Variants in LRFN5 observed in about 807,000 individuals in gnomAD.
LRFN5 encodes the protein leucine-rich repeat and fibronectin type-III domain-containing protein 5.
LRFN5 carries 24 observed loss-of-function variants against 45.6 expected under a neutral mutation model. The observed-to-expected ratio is 0.53, with a 90% confidence interval of 0.38 to 0.74. LRFN5 has a LOEUF of 0.74. LRFN5 is among the 30% of genes least tolerant of loss of function. LRFN5 has a pLI of 0.00. For missense variants in LRFN5, 776 were observed against 861.5 expected (o/e 0.90, Z 1.24); for synonymous variants, 340 against 313.8 (o/e 1.08, Z -0.88).
intron 1 of LRFN5, among the ~76,000 whole-genome samples, chr14:41,674,783 G>T (rs1331492130): frequency 6.7e-6 from 1 of 149,142 alleles, no homozygotes; most frequent in East Asian, 2.0e-4. Flanking sequence ...GCTGCCGGGC[G>T]GAGAGGCTCC....
At chr14:41,671,901 A>T (rs1250285868) in intron 1 of LRFN5, among the ~76,000 whole-genome samples, 1 of 152,094 alleles carries the variant, frequency 6.6e-6, no homozygotes, top group Non-Finnish European at 1.5e-5. Flanking sequence ...TACAGATGTG[A>T]GCCACTGCGC....
intron 1 of LRFN5, among the ~76,000 whole-genome samples, chr14:41,762,096 A>G (rs1048763218): frequency 7.9e-5 from 12 of 151,808 alleles, no homozygotes; most frequent in Non-Finnish European, 1.5e-4. Flanking sequence ...AAACAATGAA[A>G]AGCAAGCACA....
intron 1 of LRFN5, among the ~76,000 whole-genome samples, chr14:41,730,694 G>T (rs1884134752): frequency 6.6e-6 from 1 of 151,522 alleles, no homozygotes; most frequent in Non-Finnish European, 1.5e-5. Flanking sequence ...TTCTGTTTTA[G>T]AGCCTTGGTT....
At chr14:41,832,069 A>C (rs1163432172) in intron 2 of LRFN5, among the ~76,000 whole-genome samples, 2 of 152,102 alleles carry the variant, frequency 1.3e-5, no homozygotes, top group African/African-American at 4.8e-5. Context: ...TACCTCTCCA[A>C]ACCCCATCTT....
At chr14:41,892,097 A>T in intron 4 of LRFN5, 135 bp downstream of exon 4, 12 of 1,448,268 alleles carry the variant, frequency 8.3e-6, no homozygotes, top group Non-Finnish European at 1.1e-5. Context: ...AAGCATGTCT[A>T]TGAATGTGAT....
At chr14:41,728,654 T>C (rs1884037759) in intron 1 of LRFN5, among the ~76,000 whole-genome samples, 1 of 152,170 alleles carries the variant, frequency 6.6e-6, no homozygotes, top group Non-Finnish European at 1.5e-5. Flanking sequence ...TTCTTTATCA[T>C]TAAGAGAATT....
chr14:41,635,070 A>G (rs936949077), intron 1 of LRFN5, among the ~76,000 whole-genome samples: 10 of 152,220 alleles, frequency 6.6e-5, no homozygotes, highest in Middle Eastern at 3.4e-3. Context: ...ATAATCAGTA[A>G]GTTGCTCTCA....
At chr14:41,784,884 C>T (rs1374447744) in intron 2 of LRFN5, among the ~76,000 whole-genome samples, 2 of 152,176 alleles carry the variant, frequency 1.3e-5, no homozygotes, top group African/African-American at 4.8e-5. Flanking sequence ...CAGCCTCATT[C>T]TCCCAAAGTG....
chr14:41,791,503 T>C (rs1886919743), intron 2 of LRFN5, among the ~76,000 whole-genome samples: 1 of 152,070 alleles, frequency 6.6e-6, no homozygotes, highest in South Asian at 2.1e-4. Context: ...ATGATGTATT[T>C]TGTCAAAGTG....
At chr14:41,873,299 T>G (rs1890079710) in intron 2 of LRFN5, among the ~76,000 whole-genome samples, 1 of 152,070 alleles carries the variant, frequency 6.6e-6, no homozygotes, top group Non-Finnish European at 1.5e-5. Context: ...AAATTTTTCT[T>G]TAGGGGTAGA....
At chr14:41,662,576 A>T (rs1215808655) in intron 1 of LRFN5, among the ~76,000 whole-genome samples, 3 of 152,032 alleles carry the variant, frequency 2.0e-5, no homozygotes, top group African/African-American at 7.2e-5. Flanking sequence ...TAATTAAAAA[A>T]ATATGGCTGG....
intron 1 of LRFN5, among the ~76,000 whole-genome samples, chr14:41,647,192 A>G (rs971975814): frequency 2.6e-5 from 4 of 152,156 alleles, no homozygotes; most frequent in African/African-American, 9.7e-5. Context: ...GATAACATAC[A>G]TAGATTTTGA....
At chr14:41,797,016 A>G (rs1281191359) in intron 2 of LRFN5, among the ~76,000 whole-genome samples, 1 of 151,826 alleles carries the variant, frequency 6.6e-6, no homozygotes, top group African/African-American at 2.4e-5. Flanking sequence ...TATCTCGTGT[A>G]CTTTCTGCTC....
chr14:41,683,375 G>T (rs919892132), intron 1 of LRFN5, among the ~76,000 whole-genome samples: 1 of 152,144 alleles, frequency 6.6e-6, no homozygotes, highest in Non-Finnish European at 1.5e-5. Flanking sequence ...CTGAGTGGGG[G>T]AAACTGTAAA....
chr14:41,887,668 C>A lies in LRFN5; in HGVS notation c.1043C>A (p.Thr348Asn), dbSNP rs766145838. The A allele has an allele frequency of 1.2e-6, 2 of 1,614,234 alleles. No individual in the cohort carries two copies. The highest frequency in any genetic ancestry group is 2.7e-5 in the African/African-American group (2 of 75,058). ...DNGTLDILIT[T>N]VKDTGAFTCI... ...GGAACACTTGACATTCTTATCACAA[C>A]TGTAAAGGATACAGGTGCTTTTACC... Residue 348 changes from threonine to asparagine, a missense_variant, in exon 3 of 6, where the codon ACT becomes AAT. Thr to Asn is a moderately conservative substitution (Grantham distance 65). Around this residue, in one of 2 missense-constraint regions of LRFN5, gnomAD observed 465 missense variants for 456.4 expected, o/e 1.02. Transcript: ENST00000298119. This position sits in a 1 kb window ranked among gnomAD's most constrained non-coding sequence, Gnocchi z 4.8.
intron 1 of LRFN5, among the ~76,000 whole-genome samples, chr14:41,690,714 C>T (rs1351902258): frequency 6.6e-6 from 1 of 151,996 alleles, no homozygotes; most frequent in East Asian, 1.9e-4. Flanking sequence ...AGTTTCCCTA[C>T]AAATCAGGTA....
At chr14:41,868,946 T>C (rs1889928269) in intron 2 of LRFN5, among the ~76,000 whole-genome samples, 1 of 152,156 alleles carries the variant, frequency 6.6e-6, no homozygotes, top group Non-Finnish European at 1.5e-5. Flanking sequence ...ATAAACATAG[T>C]GCACACGTTT....
intron 1 of LRFN5, among the ~76,000 whole-genome samples, chr14:41,671,617 G>GGTTTTTTTTTT (rs1881224166): frequency 1.3e-5 from 1 of 78,020 alleles, no homozygotes; most frequent in African/African-American, 5.4e-5. Flanking sequence ...TTTTTTTTTC[G>GGTTTTTTTTTT]TTTTTTTTTT....
At chr14:41,867,329 G>C (rs968070250) in intron 2 of LRFN5, among the ~76,000 whole-genome samples, 91 of 151,640 alleles carry the variant, frequency 6.0e-4, no homozygotes, top group African/African-American at 1.7e-3. Flanking sequence ...ATGTTAGTTG[G>C]TGTATTATAC....
Sources: gnomAD v4.1 joint callset for allele counts (sites outside exome capture counted in the v4.1 genomes callset) on GRCh38, gnomAD v4.1.1 for gene constraint, gnomAD v4.1.1 regional missense constraint, Gnocchi (gnomAD v3.1) non-coding constraint, MANE v1.5 for transcripts, NCBI Gene and HGNC (gene_info 2026-07-23, HGNC 2026-07-21) for gene names.